The following TLR5 variants were observed in gnomAD, a reference collection of about 807,000 sequenced individuals.
TLR5 encodes toll like receptor 5.
For synonymous variants in TLR5, 373 were observed against 384.4 expected (o/e 0.97, Z 0.35); for missense variants, 944 against 999.8 (o/e 0.94, Z 0.75).
intron 5 of TLR5, 31 bp from the exon 6 acceptor site, chr1:223,113,066 G>A (rs764098519): frequency 3.1e-6 from 5 of 1,610,258 alleles, no homozygotes; most frequent in South Asian, 2.2e-5. Context: ...TGAAAACACA[G>A]GCATTTAAGC....
Position 223,110,311 on chromosome 1 carries a change from C to A in TLR5, c.*144G>T, listed in dbSNP as rs5744179. On this transcript the variant is annotated 3_prime_UTR_variant, in exon 6 of 6. Coordinates refer to ENST00000642603, the MANE Select transcript of TLR5 (RefSeq NM_003268.6). ...AGTGAGACAGAACATGGTGTTGATA[C>A]GAAAATTGAGAGATTTATGTTGTTT... The A allele has an allele frequency of 2.4e-6, 2 of 824,248 alleles. No homozygotes were observed. The highest frequency in any genetic ancestry group is 3.3e-5 in the South Asian group (2 of 60,310). The allele number at this position is 824,248 out of a possible 1,614,324, so 51.1% of individuals were successfully genotyped here.
chr1:223,133,851 C>A (rs1409689991), intron 4 of TLR5, among the ~76,000 whole-genome samples: 2 of 152,116 alleles, frequency 1.3e-5, no homozygotes, highest in Non-Finnish European at 2.9e-5. Context: ...GCAGAGGGCG[C>A]AAAAGGGGCA....
chr1:223,142,219 G>A (rs146147870), intron 1 of TLR5, among the ~76,000 whole-genome samples: 2 of 152,240 alleles, frequency 1.3e-5, no homozygotes, highest in African/African-American at 2.4e-5. Flanking sequence ...TAGCATTAGC[G>A]GGGAGTCACC....
chr1:223,130,203 C>T lies in TLR5; in HGVS notation c.-5+2272G>A, dbSNP rs928420840. Among the ~76,000 whole-genome samples the T allele has an allele frequency of 5.9e-5, 9 of 152,284 alleles. No individual in the cohort carries two copies. The South Asian group carries it at 1.2e-3, about 21-fold the overall frequency. The stretch of plus-strand genomic sequence containing the variant: ...AGCTGACATACAGGGATCCCCGCAC[C>T]GTTCCACAGAGCTGCAGACCACCTA... On this transcript the variant is annotated intron_variant, in intron 5 of 5. Transcript: ENST00000642603.
chr1:223,120,975 C>T (rs909555924), intron 5 of TLR5, among the ~76,000 whole-genome samples: 2 of 152,100 alleles, frequency 1.3e-5, no homozygotes, highest in Non-Finnish European at 2.9e-5. Context: ...CCCAGCTACT[C>T]GGGAGGCTGA....
At chr1:223,115,784 C>T (rs1219273639) in intron 5 of TLR5, among the ~76,000 whole-genome samples, 1 of 152,038 alleles carries the variant, frequency 6.6e-6, no homozygotes, top group Non-Finnish European at 1.5e-5. Context: ...AAGGGTGTCT[C>T]TGATGTAATG....
chr1:223,117,094 C>T (rs1656699284), intron 5 of TLR5, among the ~76,000 whole-genome samples: 1 of 152,152 alleles, frequency 6.6e-6, no homozygotes, highest in Non-Finnish European at 1.5e-5. Context: ...GGTCCCGAGC[C>T]CTGCCCTGCA....
At chr1:223,114,069 C>T (rs973741737) in intron 5 of TLR5, among the ~76,000 whole-genome samples, 1 of 152,246 alleles carries the variant, frequency 6.6e-6, no homozygotes, top group Non-Finnish European at 1.5e-5. Flanking sequence ...CAGATGTGAT[C>T]GGTTTAATAA....
At chr1:223,125,022 T>C (rs1362499547) in intron 5 of TLR5, among the ~76,000 whole-genome samples, 2 of 152,214 alleles carry the variant, frequency 1.3e-5, no homozygotes, top group Admixed American at 6.5e-5. Flanking sequence ...CTGACTAATA[T>C]TGGAGGTGTA....
At position 223,112,529 on chromosome 1, in the gene TLR5, T is replaced by C. The variant is rs1656408893; in HGVS notation, c.503A>G (p.Lys168Arg). 1 of 1,614,268 alleles carries C rather than the reference T, an allele frequency of 6.2e-7. No individual in the cohort carries two copies. Among genetic ancestry groups the C allele is most frequent in the South Asian group, 1.1e-5 (1 of 91,092 alleles). Reference sequence around the variant, plus strand: ...ATCTATGGACTTTAAGGAATTCAACTTCCCAAATGAAGGATGAAGGTAAAG... The same window carrying C: ...ATCTATGGACTTTAAGGAATTCAACCTCCCAAATGAAGGATGAAGGTAAAG... ...RSLYLHPSFG[K>R]LNSLKSIDFS... The change falls in exon 6 of 6, where the codon AAG (lysine) becomes AGG (arginine). Residue 168 changes from lysine to arginine, a missense_variant. By Grantham distance (26) the Lys-to-Arg change is conservative. Transcript: ENST00000642603.
rs766245984 is a variant in TLR5 at position 223,112,252 on chromosome 1, A to G, written c.780T>C (p.Leu260=). Residue 260 remains leucine (L), a synonymous_variant, in exon 6 of 6, where the codon CTT becomes CTC. Coordinates refer to ENST00000642603, the MANE Select transcript of TLR5 (RefSeq NM_003268.6). Reference sequence around the variant, plus strand: ...ACCCGGCACCCATGATGTGGTGGGCAAGAATCAAAGAGAAGGCCTGGCTTT... The same window carrying G: ...ACCCGGCACCCATGATGTGGTGGGCGAGAATCAAAGAGAAGGCCTGGCTTT... ...ISKSQAFSLI[L]AHHIMGAGFG... The G allele has an allele frequency of 1.2e-6, 2 of 1,614,262 alleles. No individual in the cohort carries two copies. The highest frequency in any genetic ancestry group is 1.7e-5 in the Admixed American group (1 of 60,032).
At chr1:223,132,862 C>T (rs188255652) in intron 4 of TLR5, among the ~76,000 whole-genome samples, 2 of 152,208 alleles carry the variant, frequency 1.3e-5, no homozygotes, top group Admixed American at 1.3e-4. Flanking sequence ...GGCCCAGCCT[C>T]TTGTTCAGAA....
intron 5 of TLR5, among the ~76,000 whole-genome samples, chr1:223,123,334 T>G (rs1439488153): frequency 6.6e-6 from 1 of 152,210 alleles, no homozygotes; most frequent in Non-Finnish European, 1.5e-5. Flanking sequence ...ACCTTGAATT[T>G]GTGGTAAAGA....
At chr1:223,127,520 G>A (rs1461835279) in intron 5 of TLR5, 6 of 152,152 alleles carry the variant, frequency 3.9e-5, no homozygotes, top group African/African-American at 1.2e-4. Context: ...CATCCCACCG[G>A]AACCATGCCC....
intron 3 of TLR5, among the ~76,000 whole-genome samples, chr1:223,135,346 T>C (rs1427291231): frequency 1.3e-5 from 2 of 152,220 alleles, no homozygotes; most frequent in Non-Finnish European, 2.9e-5. Context: ...GAAGGAGGTT[T>C]ACTGCATGTG....
chr1:223,112,745 T>G lies in TLR5; in HGVS notation c.287A>C (p.Asn96Thr), dbSNP rs1475684609. 1.9e-6 allele frequency: 3 copies of G among 1,614,042 alleles called. No homozygotes were observed. Among genetic ancestry groups the G allele is most frequent in the Non-Finnish European group, 2.5e-6 (3 of 1,179,992 alleles). ...IDKEAFRNLP[N>T]LRILDLGSSK... Reference sequence around the variant, plus strand: ...ACTTCCCAGGTCCAAGATTCTAAGGTTGGGCAGGTTTCTGAAGGCCTCCTT... The same window carrying G: ...ACTTCCCAGGTCCAAGATTCTAAGGGTGGGCAGGTTTCTGAAGGCCTCCTT... Residue 96 changes from asparagine to threonine, a missense_variant, in exon 6 of 6, where the codon AAC becomes ACC. By Grantham distance (65) the Asn-to-Thr change is moderately conservative. Transcript: ENST00000642603.
At chr1:223,114,154 C>T (rs1336828431) in intron 5 of TLR5, among the ~76,000 whole-genome samples, 1 of 152,150 alleles carries the variant, frequency 6.6e-6, no homozygotes, top group African/African-American at 2.4e-5. Context: ...CAGAGACTGG[C>T]CCACTTGCTT....
intron 5 of TLR5, among the ~76,000 whole-genome samples, chr1:223,130,971 G>A (rs560419514): frequency 6.6e-5 from 10 of 152,220 alleles, no homozygotes; most frequent in East Asian, 1.9e-4. Context: ...TGAATTTCAC[G>A]TCAGGATGCC....
At chr1:223,133,933 C>G (rs1266338833) in intron 4 of TLR5, among the ~76,000 whole-genome samples, 1 of 152,192 alleles carries the variant, frequency 6.6e-6, no homozygotes, top group Non-Finnish European at 1.5e-5. Flanking sequence ...TGCAAGCGTC[C>G]CTGAGCTGAG....
Sources: allele counts gnomAD v4.1 joint callset (sites outside exome capture counted in the v4.1 genomes callset), GRCh38; gene constraint gnomAD v4.1.1; transcripts MANE v1.5; gene names NCBI Gene and HGNC (gene_info 2026-07-23, HGNC 2026-07-21).